Variants in ZNF91 observed in about 807,000 individuals in gnomAD.
ZNF91 encodes zinc finger protein 91 (HPF7, HTF10).
A neutral mutation model predicts 12.6 loss-of-function variants in ZNF91; 7 were observed. That is an observed-to-expected ratio of 0.55 (90% CI 0.31 to 1.04). The LOEUF (loss-of-function observed/expected upper bound fraction) is 1.04. Ranked by LOEUF, ZNF91 falls within the 50% of genes least tolerant of loss-of-function variation. The pLI, the probability that ZNF91 is intolerant of heterozygous loss-of-function variation, is 0.05. For missense variants in ZNF91, 1,217 were observed against 1,385.4 expected, an observed-to-expected ratio of 0.88 and a Z score of 1.93; for synonymous variants, 453 against 462.6, an observed-to-expected ratio of 0.98 and a Z score of 0.27.
At chr19:23,389,831 A>T (rs1265762193) in intron 1 of ZNF91, among the ~76,000 whole-genome samples, 1 of 152,150 alleles carries the variant, frequency 6.6e-6, no homozygotes. Context: ...ACAGACCTTG[A>T]TTCAGGGCTC....
chr19:23,339,311 CA>C (rs1415933663), intron 3 of ZNF91: 3 of 152,066 alleles, frequency 2.0e-5, no homozygotes, highest in Admixed American at 2.0e-4. Context: ...GAAATCATTT[CA>C]GCCAAAAGAT....
chr19:23,346,509 C>G lies in ZNF91; in HGVS notation c.254-7455G>C, dbSNP rs542452885. Among the ~76,000 whole-genome samples the G allele has an allele frequency of 9.9e-5, 15 of 152,272 alleles. No individual in the cohort carries two copies. The South Asian group carries it at 1.0e-3, about 11-fold the overall frequency. On this transcript the variant is annotated intron_variant, in intron 3 of 3. Coordinates refer to the ZNF91 transcript ENST00000599743. Reference sequence around the variant, plus strand: ...TTTCAGAAATCACCCAAGGTCATAACAAAAACCCAGCCCTTTTTCTCTCTT... The same window carrying G: ...TTTCAGAAATCACCCAAGGTCATAAGAAAAACCCAGCCCTTTTTCTCTCTT...
At chr19:23,311,812 C>G (rs1967476230), upstream of ZNF91, among the ~76,000 whole-genome samples, 1 of 151,820 alleles carries the variant, frequency 6.6e-6, no homozygotes, top group Admixed American at 6.6e-5. Context: ...ACGTGACTCT[C>G]CTGCATGGGT....
chr19:23,390,092 G>C (rs528313113), intron 1 of ZNF91, among the ~76,000 whole-genome samples: 3 of 152,136 alleles, frequency 2.0e-5, no homozygotes, highest in Admixed American at 6.5e-5. Flanking sequence ...TGAGACAGGC[G>C]AATCACCTGA....
chr19:23,309,880 C>T (rs1458034428), intron 1 of ZNF91, among the ~76,000 whole-genome samples: 1 of 151,964 alleles, frequency 6.6e-6, no homozygotes, highest in Admixed American at 6.6e-5. Context: ...GTGTGCTCAT[C>T]CTGACAACCA....
rs938343242 is a variant in ZNF91 at position 23,395,360 on chromosome 19, C to G, written c.-6G>C. On this transcript the variant is annotated 5_prime_UTR_variant, in exon 1 of 4. Coordinates refer to ENST00000300619, the MANE Select transcript of ZNF91 (RefSeq NM_003430.4). ...CTTCCAGGGGTTCCTGGCATCTTAG[C>G]TGTGGCTCTCCAATACCTGCAGGTC... 6.2e-7 allele frequency: 1 copy of G among 1,613,956 alleles called. No homozygotes were observed. Among genetic ancestry groups the G allele is most frequent in the Middle Eastern group, 1.7e-4 (1 of 6,060 alleles).
intron 1 of ZNF91, among the ~76,000 whole-genome samples, chr19:23,320,722 T>C (rs1228115508): frequency 3.3e-5 from 5 of 152,264 alleles, no homozygotes; most frequent in Admixed American, 2.0e-4. Flanking sequence ...ATCTCATAAA[T>C]TCTTTGGGTG....
chr19:23,322,388 G>A (rs1230684639), intron 1 of ZNF91, among the ~76,000 whole-genome samples: 4 of 152,150 alleles, frequency 2.6e-5, no homozygotes, highest in African/African-American at 9.7e-5. Context: ...CCTAACTGTT[G>A]TGGCTCTCTA....
chr19:23,307,588 G>A (rs1967414479), intron 2 of ZNF91: 1 of 152,226 alleles, frequency 6.6e-6, no homozygotes, highest in South Asian at 2.1e-4. Context: ...CAGCACCTAT[G>A]TGATGTGACT....
intron 3 of ZNF91, among the ~76,000 whole-genome samples, chr19:23,371,865 A>G (rs938981701): frequency 6.6e-6 from 1 of 152,222 alleles, no homozygotes; most frequent in African/African-American, 2.4e-5. Context: ...ACTAGTGTCA[A>G]TTTTTATGTT....
At position 23,362,078 on chromosome 19, in the gene ZNF91, T is replaced by C. The variant is rs778872534; in HGVS notation, c.901A>G (p.Lys301Glu). ...AGGGTTGAAGAATGGCTAAAAGCTT[T>C]GCCACATTCTTCACATTTGTAGGGT... ...EKPYKCEECG[K>E]AFSHSSTLAK... The change falls in exon 4 of 4, where the codon AAA becomes GAA. Residue 301 changes from lysine (K) to glutamate (E), a missense_variant. By Grantham distance (56) the Lys-to-Glu change is moderately conservative. Coordinates refer to ENST00000300619, the MANE Select transcript of ZNF91 (RefSeq NM_003430.4). 3.7e-6 allele frequency: 6 copies of C among 1,614,088 alleles called. No homozygotes were observed. The highest frequency in any genetic ancestry group is 5.1e-6 in the Non-Finnish European group (6 of 1,179,992).
Position 23,359,697 on chromosome 19 carries a change from A to C in ZNF91, c.3282T>G (p.Thr1094=). ...CTCCGGTGTGCAACCTCTTATGTCT[A>C]GTTAGGGTTGAAGATTGGCTAAATG... The part of the protein sequence containing the change: ...GKAFSQSSTL[T]RHKRLHTGEK... Residue 1094 remains threonine, a synonymous_variant, in exon 4 of 4, where the codon ACT becomes ACG. Coordinates refer to ENST00000300619, the MANE Select transcript of ZNF91 (RefSeq NM_003430.4). 6.2e-7 allele frequency: 1 copy of C among 1,614,090 alleles called. No individual in the cohort carries two copies. Among genetic ancestry groups the C allele is most frequent in the Middle Eastern group, 1.6e-4 (1 of 6,062 alleles).
downstream of ZNF91, among the ~76,000 whole-genome samples, chr19:23,355,011 A>C (rs984056776): frequency 1.3e-5 from 2 of 152,200 alleles, no homozygotes; most frequent in East Asian, 3.8e-4. Flanking sequence ...TGGGTAGAAT[A>C]ATTTGTGAAA....
upstream of ZNF91, among the ~76,000 whole-genome samples, chr19:23,313,424 C>T (rs1469231530): frequency 6.6e-6 from 1 of 152,170 alleles, no homozygotes; most frequent in Non-Finnish European, 1.5e-5. Context: ...TGATGTGACT[C>T]CTCTTCTTTT....
intron 3 of ZNF91, chr19:23,339,709 A>G (rs1041202743): frequency 1.3e-5 from 2 of 152,092 alleles, no homozygotes; most frequent in African/African-American, 2.4e-5. Flanking sequence ...GGAGGCTGAG[A>G]CAGGTGGACC....
In ZNF91 at chr19:23,362,734, A is replaced by C; in HGVS notation, c.254-9T>G. ...AAAATGAGGACATATACCTGAAAAAAAAAAACTAAAAATAATAAATTACTC... is the reference window on the plus strand; with the variant it reads ...AAAATGAGGACATATACCTGAAAAACAAAAACTAAAAATAATAAATTACTC... On this transcript the variant is annotated splice_polypyrimidine_tract_variant and intron_variant, in intron 3 of 3. Transcript: ENST00000300619. 3 of 1,431,314 alleles carry C rather than the reference A, an allele frequency of 2.1e-6. No homozygotes were observed. Among genetic ancestry groups the C allele is most frequent in the Non-Finnish European group, 2.7e-6 (3 of 1,091,126 alleles). The allele number at this position is 1,431,314 out of a possible 1,614,324, so 88.7% of individuals were successfully genotyped here.
rs1967893471 is a variant in ZNF91 at position 23,329,711 on chromosome 19, T to C, written n.117-20614A>G. Among the ~76,000 whole-genome samples, 6 of 152,318 alleles carry C rather than the reference T, an allele frequency of 3.9e-5. 1 individual carries two copies. The South Asian group carries it at 1.2e-3, about 32-fold the overall frequency. On this transcript the variant is annotated intron_variant and non_coding_transcript_variant, in intron 1 of 1. Transcript: ENST00000596528. ...CTTTCTACCTACCCCTAAGCAGTCCTTGAGATTGTACTATATTTTTTAATG... is the reference window on the plus strand; with the variant it reads ...CTTTCTACCTACCCCTAAGCAGTCCCTGAGATTGTACTATATTTTTTAATG...
Position 23,395,238 on chromosome 19 carries a change from G to A in ZNF91, c.30+87C>T, listed in dbSNP as rs1182643942. 5 of 1,522,054 alleles carry A rather than the reference G, an allele frequency of 3.3e-6. No individual in the cohort carries two copies. In the East Asian group the frequency reaches 1.1e-4, roughly 34 times the overall value. 94.3% of individuals were successfully genotyped at this position (1,522,054 alleles called of 1,614,324 possible). On this transcript the variant is annotated intron_variant, in intron 1 of 3. Coordinates refer to ENST00000300619, the MANE Select transcript of ZNF91 (RefSeq NM_003430.4). The stretch of plus-strand genomic sequence containing the variant: ...GCACGGATTGTGGAGCTGACTGAAG[G>A]AAGGCCTGAGGCTCGCCACAGCCGC...
chr19:23,387,578 A>G (rs952611426), intron 1 of ZNF91, among the ~76,000 whole-genome samples: 4 of 152,166 alleles, frequency 2.6e-5, no homozygotes, highest in Admixed American at 6.5e-5. Flanking sequence ...AAAAAATACA[A>G]TAAGAAAAAT....
Sources: gnomAD v4.1 joint callset for allele counts (sites outside exome capture counted in the v4.1 genomes callset) on GRCh38, gnomAD v4.1.1 for gene constraint, MANE v1.5 for transcripts, NCBI Gene and HGNC (gene_info 2026-07-23, HGNC 2026-07-21) for gene names.